Variants in TBXAS1 observed in about 807,000 individuals in gnomAD.
TBXAS1 encodes thromboxane-A synthase.
TBXAS1 carries 48 observed loss-of-function variants against 60.7 expected under a neutral mutation model. That is an observed-to-expected ratio of 0.79 (90% CI 0.63 to 1.01). The LOEUF is 1.01. Among genes scored for constraint, TBXAS1 ranks in the 50% least tolerant of loss-of-function variants. TBXAS1 has a pLI of 0.00. For synonymous variants in TBXAS1, 287 were observed against 269.7 expected, an observed-to-expected ratio of 1.06 and a Z score of -0.63; for missense variants, 685 against 686.3, an observed-to-expected ratio of 1.00 and a Z score of 0.02.
chr7:139,877,202 G>A (rs978865630), intron 3 of TBXAS1, among the ~76,000 whole-genome samples: 5 of 152,256 alleles, frequency 3.3e-5, no homozygotes, highest in African/African-American at 7.2e-5. Flanking sequence ...ATGGACGAGC[G>A]GGGAGGCAAG....
chr7:139,828,428 G>A (rs979438205), upstream of TBXAS1, among the ~76,000 whole-genome samples: 1 of 152,106 alleles, frequency 6.6e-6, no homozygotes, highest in South Asian at 2.1e-4. Context: ...TCCCACTTCC[G>A]CAAATGGGGC....
rs564069195 is a variant in TBXAS1, at chr7:139,974,269, T to C, written c.1134+12036T>C. 2.2e-4 allele frequency among the ~76,000 whole-genome samples: 33 copies of C among 152,122 alleles called. No homozygotes were observed. In the East Asian group the frequency reaches 6.0e-3, roughly 28 times the overall value. The stretch of plus-strand genomic sequence containing the variant: ...TATCCCGGCCCCCAGTCAGTCACTG[T>C]TTTTGCAGTCCCACTTCTTAAGGCA... On this transcript the variant is annotated intron_variant, in intron 9 of 12. Transcript: ENST00000448866.
rs150561240 is a variant in TBXAS1 at position 139,941,692 on chromosome 7, T to C, written c.450+5385T>C. ...AGTTTTCACTCCATCCCCCGAAGAATTGACGTTTTAAAAAGCACAACTGTA... is the reference window on the plus strand; with the variant it reads ...AGTTTTCACTCCATCCCCCGAAGAACTGACGTTTTAAAAAGCACAACTGTA... On this transcript the variant is annotated intron_variant, in intron 5 of 12. Coordinates refer to ENST00000448866, the MANE Select transcript of TBXAS1 (RefSeq NM_001061.7). Among the ~76,000 whole-genome samples the C allele has an allele frequency of 7.6e-3, 1,157 of 152,316 alleles. 6 individuals carry two copies. The highest frequency in any genetic ancestry group is 9.8e-3 in the Non-Finnish European group (664 of 68,022).
intron 4 of TBXAS1, among the ~76,000 whole-genome samples, chr7:139,922,051 T>G (rs1380190004): frequency 6.6e-6 from 1 of 152,110 alleles, no homozygotes; most frequent in Non-Finnish European, 1.5e-5. Flanking sequence ...ACCACAGTTT[T>G]AATTTGTATT....
intron 9 of TBXAS1, among the ~76,000 whole-genome samples, chr7:140,002,664 A>G (rs1246464398): frequency 6.6e-6 from 1 of 152,172 alleles, no homozygotes; most frequent in Non-Finnish European, 1.5e-5. Context: ...GGTGTGGAGA[A>G]GCGCTAGGGT....
chr7:139,830,223 A>G (rs1390258430), intron 1 of TBXAS1, among the ~76,000 whole-genome samples: 2 of 152,196 alleles, frequency 1.3e-5, no homozygotes, highest in Non-Finnish European at 2.9e-5. Flanking sequence ...TACCCATTCA[A>G]TCAAAAGCAC....
intron 1 of TBXAS1, among the ~76,000 whole-genome samples, chr7:139,861,647 A>G (rs982200096): frequency 1.3e-5 from 2 of 152,238 alleles, no homozygotes; most frequent in Non-Finnish European, 2.9e-5. Flanking sequence ...TGAAGTACCA[A>G]ACATGGTATC....
chr7:139,834,594 G>A (rs930200456), intron 1 of TBXAS1, among the ~76,000 whole-genome samples: 1 of 152,110 alleles, frequency 6.6e-6, no homozygotes, highest in African/African-American at 2.4e-5. Flanking sequence ...AAGAAAGGAA[G>A]AGAGAAAACC....
intron 1 of TBXAS1, among the ~76,000 whole-genome samples, chr7:139,840,017 A>T (rs1451367897): frequency 6.6e-6 from 1 of 151,570 alleles, no homozygotes; most frequent in African/African-American, 2.4e-5. Context: ...TTTCAGATAG[A>T]GAGTGAGTTA....
chr7:139,818,302 G>A (rs1165400014), intron 4 of TBXAS1, among the ~76,000 whole-genome samples: 1 of 152,174 alleles, frequency 6.6e-6, no homozygotes, highest in Non-Finnish European at 1.5e-5. Flanking sequence ...ACTCAGGTGG[G>A]TGCAGGTACA....
rs540770195 is a variant in TBXAS1 at position 139,936,256 on chromosome 7, A to C, written c.399A>C (p.Glu133Asp). 6.2e-7 allele frequency: 1 copy of C among 1,614,236 alleles called. No homozygotes were observed. Among genetic ancestry groups the C allele is most frequent in the Non-Finnish European group, 8.5e-7 (1 of 1,180,048 alleles). Reference sequence around the variant, plus strand: ...TGTTTTTACGTGACAAAAGATGGGAAGAGGTCAGAGGTGCCCTGATGTCTG... The same window carrying C: ...TGTTTTTACGTGACAAAAGATGGGACGAGGTCAGAGGTGCCCTGATGTCTG... ...SVLFLRDKRW[E>D]EVRGALMSAF... Residue 133 changes from glutamate (E) to aspartate (D), a missense_variant, in exon 5 of 13, where the codon GAA becomes GAC. By Grantham distance (45) the Glu-to-Asp change is conservative. Transcript: ENST00000448866.
chr7:139,888,140 G>A (rs1451836890), intron 3 of TBXAS1, among the ~76,000 whole-genome samples: 1 of 152,170 alleles, frequency 6.6e-6, no homozygotes, highest in Non-Finnish European at 1.5e-5. Flanking sequence ...ACAAATGCTT[G>A]CACTGCACGA....
chr7:139,923,869 C>G (rs987298847), intron 4 of TBXAS1, among the ~76,000 whole-genome samples: 4 of 152,076 alleles, frequency 2.6e-5, no homozygotes, highest in African/African-American at 9.7e-5. Flanking sequence ...TTTTTAGCTC[C>G]TACAAATAAG....
intron 9 of TBXAS1, among the ~76,000 whole-genome samples, chr7:140,005,499 C>T (rs1814005118): frequency 6.6e-6 from 1 of 152,122 alleles, no homozygotes; most frequent in African/African-American, 2.4e-5. Context: ...GGATTAACCC[C>T]CGCACAGAGC....
chr7:139,877,061 C>A (rs1263464034), intron 3 of TBXAS1, among the ~76,000 whole-genome samples: 1 of 152,128 alleles, frequency 6.6e-6, no homozygotes. Context: ...TCAGCTTATA[C>A]CCTATTGGTT....
Position 139,916,732 on chromosome 7 carries a change from G to A in TBXAS1, c.333+5411G>A, listed in dbSNP as rs536934660. 3.9e-5 allele frequency among the ~76,000 whole-genome samples: 6 copies of A among 152,318 alleles called. No homozygotes were observed. The highest frequency in any genetic ancestry group is 5.9e-5 in the Non-Finnish European group (4 of 68,024). Reference sequence around the variant, plus strand: ...TCTGTATCTGCAGCAGCCTCCTATCGAAGGAAGAAAAGAGTATGTTGGCTC... The same window carrying A: ...TCTGTATCTGCAGCAGCCTCCTATCAAAGGAAGAAAAGAGTATGTTGGCTC... On this transcript the variant is annotated intron_variant, in intron 4 of 12. Coordinates refer to ENST00000448866, the MANE Select transcript of TBXAS1 (RefSeq NM_001061.7). This position sits in a 1 kb window ranked among gnomAD's most constrained non-coding sequence, Gnocchi z 4.2.
At chr7:139,808,850 G>T (rs1025454037) in intron 4 of TBXAS1, among the ~76,000 whole-genome samples, 2 of 151,968 alleles carry the variant, frequency 1.3e-5, no homozygotes, top group African/African-American at 4.8e-5. Context: ...GTACACATTT[G>T]GTGAATTATG....
chr7:139,985,979 G>A (rs1226839765), intron 9 of TBXAS1, among the ~76,000 whole-genome samples: 1 of 152,260 alleles, frequency 6.6e-6, no homozygotes, highest in Non-Finnish European at 1.5e-5. Context: ...TGGTCTCCAG[G>A]TGTGGCATGA....
chr7:139,992,351 C>T (rs1334704812), intron 9 of TBXAS1, among the ~76,000 whole-genome samples: 1 of 152,212 alleles, frequency 6.6e-6, no homozygotes, highest in African/African-American at 2.4e-5. Context: ...TTTAAAAAAC[C>T]TCCCTCCTCA....
Sources: allele counts gnomAD v4.1 joint callset (sites outside exome capture counted in the v4.1 genomes callset), GRCh38; gene constraint gnomAD v4.1.1; non-coding constraint Gnocchi (gnomAD v3.1); transcripts MANE v1.5; gene names NCBI Gene and HGNC (gene_info 2026-07-23, HGNC 2026-07-21).